Variants in RIC1 observed in about 807,000 individuals in gnomAD.
RIC1 encodes the protein RIC1 partner of RAB6A GEF complex, also known as guanine nucleotide exchange factor subunit RIC1.
In RIC1, 88 loss-of-function variants were observed where a neutral mutation model predicts 169.0. The ratio of observed to expected loss-of-function variants is 0.52; its 90% confidence interval spans 0.44 to 0.62. RIC1 has a LOEUF of 0.62. Ranked by LOEUF, RIC1 falls within the 20% of genes least tolerant of loss-of-function variation. The pLI, the probability that RIC1 is intolerant of heterozygous loss-of-function variation, is 0.00. For synonymous variants in RIC1, 790 were observed against 601.5 expected (o/e 1.31, Z -4.59); for missense variants, 1,877 against 1,725.5 (o/e 1.09, Z -1.56).
At chr9:5,771,851 CAT>C (rs981945781) in intron 23 of RIC1, among the ~76,000 whole-genome samples, 5 of 152,300 alleles carry the variant, frequency 3.3e-5, no homozygotes, top group Admixed American at 6.5e-5. Context: ...CTAATGGCCA[CAT>C]ATGTTTGTTG....
chr9:5,707,351 T>C (rs1008144069), intron 3 of RIC1, among the ~76,000 whole-genome samples: 4 of 152,158 alleles, frequency 2.6e-5, no homozygotes, highest in African/African-American at 9.6e-5. Context: ...ATATGTATTC[T>C]GCTGTTGGGT....
At chr9:5,740,569 C>T (rs1825019012) in intron 8 of RIC1, among the ~76,000 whole-genome samples, 1 of 151,494 alleles carries the variant, frequency 6.6e-6, no homozygotes, top group Admixed American at 6.6e-5. Flanking sequence ...GAGAGCCAGT[C>T]CGAGTTCCAA....
intron 3 of RIC1, among the ~76,000 whole-genome samples, chr9:5,701,959 C>T (rs992487872): frequency 3.9e-5 from 6 of 152,062 alleles, no homozygotes; most frequent in African/African-American, 1.4e-4. Context: ...TCATCAATTG[C>T]CTGGAATAGC....
chr9:5,744,240 C>A (rs1359040100), intron 10 of RIC1, among the ~76,000 whole-genome samples: 15 of 151,934 alleles, frequency 9.9e-5, no homozygotes, highest in Non-Finnish European at 1.0e-4. Context: ...TTGTATGTGT[C>A]TTCTCATGGC....
chr9:5,688,973 C>T (rs1254509491), intron 2 of RIC1, among the ~76,000 whole-genome samples: 1 of 150,014 alleles, frequency 6.7e-6, no homozygotes, highest in African/African-American at 2.4e-5. Flanking sequence ...GTTTGAACTT[C>T]ACAAATGTAT....
At chr9:5,702,887 A>G (rs1822321997) in intron 3 of RIC1, among the ~76,000 whole-genome samples, 1 of 152,170 alleles carries the variant, frequency 6.6e-6, no homozygotes, top group Non-Finnish European at 1.5e-5. Flanking sequence ...ACGATAACTT[A>G]CTATCACAAG....
intron 23 of RIC1, 79 bp from the exon 24 acceptor site, chr9:5,772,485 G>A (rs1261767607): frequency 8.7e-7 from 1 of 1,154,844 alleles, no homozygotes. Flanking sequence ...AACATCTGAG[G>A]AACAGCTAAT....
chr9:5,667,146 A>T (rs10815262), intron 2 of RIC1, among the ~76,000 whole-genome samples: 1 of 151,468 alleles, frequency 6.6e-6, no homozygotes, highest in Non-Finnish European at 1.5e-5. Context: ...GGGACATAGC[A>T]TAATGCCATC....
In RIC1 at chr9:5,629,187, G is replaced by T. The variant is rs1488241113; in HGVS notation, c.-123G>T. On this transcript the variant is annotated 5_prime_UTR_variant, in exon 1 of 26. An upstream start codon of the reference 5' UTR is lost. Transcript: ENST00000414202. ...GGCCCGGCCAGGCCAGCGGGCAGAT[G>T]CCCCGAGCTGCCGCCGCCGCCGCCG... is the stretch of plus-strand genomic sequence containing the variant. 3 of 1,004,028 alleles carry T rather than the reference G, an allele frequency of 3.0e-6. No homozygotes were observed. The highest frequency in any genetic ancestry group is 3.9e-6 in the Non-Finnish European group (3 of 768,036). 62.2% of individuals were successfully genotyped at this position (1,004,028 alleles called of 1,614,324 possible).
At chr9:5,709,860 T>A (rs1162395922) in intron 3 of RIC1, among the ~76,000 whole-genome samples, 1 of 152,196 alleles carries the variant, frequency 6.6e-6, no homozygotes, top group Non-Finnish European at 1.5e-5. Flanking sequence ...CATGAAGAAA[T>A]TAGAATTTAC....
At chr9:5,704,475 G>A (rs1822436761) in intron 3 of RIC1, among the ~76,000 whole-genome samples, 1 of 152,074 alleles carries the variant, frequency 6.6e-6, no homozygotes, top group African/African-American at 2.4e-5. Flanking sequence ...GCCCCCCAAA[G>A]TGCTGGAATT....
At chr9:5,689,601 T>C (rs1046068545) in intron 2 of RIC1, among the ~76,000 whole-genome samples, 1 of 152,236 alleles carries the variant, frequency 6.6e-6, no homozygotes, top group Non-Finnish European at 1.5e-5. Flanking sequence ...GCATTGTTGC[T>C]TTATAAACTT....
At chr9:5,663,961 T>G (rs1701823115) in intron 2 of RIC1, among the ~76,000 whole-genome samples, 1 of 152,240 alleles carries the variant, frequency 6.6e-6, no homozygotes, top group African/African-American at 2.4e-5. Flanking sequence ...CTTTCCATAT[T>G]TAGTGCTTCC....
At chr9:5,726,117 T>G (rs1267726103) in intron 6 of RIC1, among the ~76,000 whole-genome samples, 1 of 152,188 alleles carries the variant, frequency 6.6e-6, no homozygotes, top group African/African-American at 2.4e-5. Flanking sequence ...TTGTTAACTT[T>G]CTGTCTCTTT....
At chr9:5,694,474 C>T (rs75190696) in intron 3 of RIC1, among the ~76,000 whole-genome samples, 4 of 152,180 alleles carry the variant, frequency 2.6e-5, no homozygotes, top group Admixed American at 6.5e-5. Flanking sequence ...GAAAACATCC[C>T]GTGTCTAATT....
chr9:5,772,523 C>T (rs777641108), intron 23 of RIC1, 41 bp from the exon 24 acceptor site: 1 of 1,467,256 alleles, frequency 6.8e-7, no homozygotes, highest in Admixed American at 2.3e-5. Flanking sequence ...AATATATTTT[C>T]TCCACGAAGT....
At chr9:5,735,442 G>C (rs1258496368) in intron 7 of RIC1, among the ~76,000 whole-genome samples, 1 of 152,202 alleles carries the variant, frequency 6.6e-6, no homozygotes, top group African/African-American at 2.4e-5. Flanking sequence ...TAGGCTATGG[G>C]CTTATAAGCT....
In RIC1 at chr9:5,757,293, G is replaced by A. The variant is rs752697063; in HGVS notation, c.1854-20G>A. ...ATTAGCATTGTTGTTGAGGTATGTGGGTTTCTTTTGTTTTTACAGTCCAAA... is the reference window on the plus strand; with the variant it reads ...ATTAGCATTGTTGTTGAGGTATGTGAGTTTCTTTTGTTTTTACAGTCCAAA... On this transcript the variant is annotated intron_variant, in intron 16 of 25. Coordinates refer to ENST00000414202, the MANE Select transcript of RIC1 (RefSeq NM_020829.4). 1.2e-6 allele frequency: 2 copies of A among 1,613,160 alleles called. No individual in the cohort carries two copies. The highest frequency in any genetic ancestry group is 1.7e-6 in the Non-Finnish European group (2 of 1,179,356).
At chr9:5,733,105 T>C (rs1169660290) in intron 7 of RIC1, among the ~76,000 whole-genome samples, 2 of 152,086 alleles carry the variant, frequency 1.3e-5, no homozygotes, top group Admixed American at 6.5e-5. Flanking sequence ...TTAGTTGTTA[T>C]AATGCCTTGC....
Sources: allele counts gnomAD v4.1 joint callset (sites outside exome capture counted in the v4.1 genomes callset), GRCh38; gene constraint gnomAD v4.1.1; transcripts MANE v1.5; gene names NCBI Gene and HGNC (gene_info 2026-07-23, HGNC 2026-07-21).